The following PAPSS1 variants were observed in gnomAD, a reference collection of about 807,000 sequenced individuals.
The protein encoded by PAPSS1 is 3'-phosphoadenosine 5'-phosphosulfate synthase 1.
In PAPSS1, 50 loss-of-function variants were observed where a neutral mutation model predicts 72.0. The observed-to-expected ratio is 0.69, with a 90% CI of 0.55 to 0.88. The LOEUF (loss-of-function observed/expected upper bound fraction) is 0.88. PAPSS1 is among the 40% of genes least tolerant of loss of function. The pLI is 0.00. For missense variants in PAPSS1, 657 were observed against 782.2 expected, an observed-to-expected ratio of 0.84 and a Z score of 1.91; for synonymous variants, 261 against 263.6, an observed-to-expected ratio of 0.99 and a Z score of 0.09.
chr4:107,645,104 T>C, intron 9 of PAPSS1, 34 bp from the exon 10 acceptor site: 7 of 1,425,416 alleles, frequency 4.9e-6, no homozygotes, highest in South Asian at 3.4e-5. Flanking sequence ...AAGAATAGCA[T>C]GTTTCTAACA....
At position 107,693,668 on chromosome 4, in the gene PAPSS1, A is replaced by AGT. The variant is rs1443305397; in HGVS notation, c.411+101_411+102dup. The AGT allele has an allele frequency of 4.0e-6, 3 of 744,116 alleles. No individual in the cohort carries two copies. The Admixed American group carries it at 6.4e-5, about 16-fold the overall frequency. The allele number at this position is 744,116 out of a possible 1,614,324, so 46.1% of individuals were successfully genotyped here. On this transcript the variant is annotated intron_variant, in intron 3 of 11. Transcript: ENST00000265174. Reference sequence around the variant, plus strand: ...AGAGATGGTAGCTGGGGAGGAGTAGAGTTAGCCTCAAAGCACATATCAATG... The same window carrying AGT: ...AGAGATGGTAGCTGGGGAGGAGTAGAGTGTTAGCCTCAAAGCACATATCAATG...
intron 7 of PAPSS1, among the ~76,000 whole-genome samples, 153 bp downstream of exon 7, chr4:107,656,743 T>G (rs1578402319): frequency 6.6e-6 from 1 of 152,220 alleles, no homozygotes; most frequent in Non-Finnish European, 1.5e-5. Context: ...ATGATTCACT[T>G]AAATAAAGTG....
intron 9 of PAPSS1, 113 bp downstream of exon 9, chr4:107,653,378 A>T: frequency 1.2e-6 from 1 of 800,692 alleles, no homozygotes; most frequent in Non-Finnish European, 1.9e-6. Context: ...TACATATTCC[A>T]CTGCTATATT....
intron 11 of PAPSS1, among the ~76,000 whole-genome samples, chr4:107,616,036 T>C (rs992708644): frequency 6.6e-6 from 1 of 152,074 alleles, no homozygotes; most frequent in Non-Finnish European, 1.5e-5. Flanking sequence ...GTATTTTTTA[T>C]AGCAGCCTGA....
In PAPSS1 at chr4:107,659,970, T is replaced by G; in HGVS notation, c.772A>C (p.Lys258Gln). The change falls in exon 6 of 12, where the codon AAA becomes CAA. Residue 258 changes from lysine (K) to glutamine (Q), a missense_variant. Coordinates refer to ENST00000265174, the MANE Select transcript of PAPSS1 (RefSeq NM_005443.5). ...AACGAAGAACTTACTTTATTAATTT[T>G]CAGTGCTGGTAATGTTTCCGCATCT... The part of the protein sequence containing the change: ...KTDAETLPAL[K>Q]INKVDMQWVQ... 6.3e-7 allele frequency: 1 copy of G among 1,577,924 alleles called. No individual in the cohort carries two copies. The highest frequency in any genetic ancestry group is 8.7e-7 in the Non-Finnish European group (1 of 1,149,040).
At chr4:107,680,466 A>C (rs1270622997) in intron 5 of PAPSS1, among the ~76,000 whole-genome samples, 1 of 152,248 alleles carries the variant, frequency 6.6e-6, no homozygotes, top group Non-Finnish European at 1.5e-5. Flanking sequence ...GCCCAGTAAA[A>C]GTATTTTCTA....
chr4:107,636,497 C>T (rs1208067975), intron 10 of PAPSS1, among the ~76,000 whole-genome samples: 1 of 152,092 alleles, frequency 6.6e-6, no homozygotes, highest in African/African-American at 2.4e-5. Context: ...GAAACGACAG[C>T]AGAAGCGTGC....
At chr4:107,641,679 A>T (rs4956116) in intron 10 of PAPSS1, among the ~76,000 whole-genome samples, 28,185 of 152,136 alleles carry the variant, frequency 0.19, 2,999 homozygotes, top group East Asian at 0.37. Flanking sequence ...AGGTACTTTC[A>T]ATTTCTTTAT....
chr4:107,710,288 C>T (rs1723454541), intron 1 of PAPSS1, among the ~76,000 whole-genome samples: 1 of 152,074 alleles, frequency 6.6e-6, no homozygotes, highest in African/African-American at 2.4e-5. Context: ...GTGCTTCTTA[C>T]TTAATAGTCT....
At chr4:107,683,977 A>ACACAC (rs1553921233) in intron 4 of PAPSS1, among the ~76,000 whole-genome samples, 28,833 of 126,504 alleles carry the variant, frequency 0.23, 2,967 homozygotes, top group East Asian at 0.37. Context: ...CACACACACA[A>ACACAC]ACACACATTA....
At chr4:107,616,090 G>GAT (rs71951844) in intron 11 of PAPSS1, among the ~76,000 whole-genome samples, 1 of 149,876 alleles carries the variant, frequency 6.7e-6, no homozygotes, top group Non-Finnish European at 1.5e-5. Flanking sequence ...TAGAGAGAGA[G>GAT]AGAGAGAGAG....
intron 9 of PAPSS1, among the ~76,000 whole-genome samples, chr4:107,645,532 T>C (rs999302968): frequency 6.6e-6 from 1 of 152,242 alleles, no homozygotes; most frequent in African/African-American, 2.4e-5. Flanking sequence ...GTTTCAAAAA[T>C]TTACTTACTG....
At chr4:107,668,408 T>C (rs923671357) in intron 5 of PAPSS1, among the ~76,000 whole-genome samples, 3 of 152,166 alleles carry the variant, frequency 2.0e-5, no homozygotes, top group African/African-American at 7.2e-5. Context: ...GTTAATACTG[T>C]GTGTCAACTT....
chr4:107,699,351 T>G (rs1369078847), intron 2 of PAPSS1, among the ~76,000 whole-genome samples: 1 of 151,908 alleles, frequency 6.6e-6, no homozygotes, highest in Non-Finnish European at 1.5e-5. Flanking sequence ...TCCACTGTCC[T>G]TCAAGATTTA....
intron 5 of PAPSS1, among the ~76,000 whole-genome samples, chr4:107,666,468 A>G (rs921991547): frequency 6.6e-6 from 1 of 152,218 alleles, no homozygotes; most frequent in Non-Finnish European, 1.5e-5. Context: ...TAAGAAATGC[A>G]GTCTTTATAT....
intron 5 of PAPSS1, among the ~76,000 whole-genome samples, chr4:107,674,813 A>C (rs1029700936): frequency 2.0e-5 from 3 of 151,976 alleles, no homozygotes; most frequent in Non-Finnish European, 4.4e-5. Context: ...TGTAAAAGAA[A>C]AGAAATTATA....
Position 107,670,168 on chromosome 4 carries a change from TA to T in PAPSS1, c.670-10097del, listed in dbSNP as rs371981294. Among the ~76,000 whole-genome samples, 5 of 152,322 alleles carry T rather than the reference TA, an allele frequency of 3.3e-5. No individual in the cohort carries two copies. In the South Asian group the frequency reaches 6.2e-4, roughly 19 times the overall value. Reference sequence around the variant, plus strand: ...AGTTATTTTAAAAGACAACATACTATAAATATGTCCCTTATAATAAGGACTC... The same window carrying T: ...AGTTATTTTAAAAGACAACATACTATAATATGTCCCTTATAATAAGGACTC... On this transcript the variant is annotated intron_variant, in intron 5 of 11. Transcript: ENST00000265174.
intron 1 of PAPSS1, among the ~76,000 whole-genome samples, chr4:107,714,649 T>C (rs1036682779): frequency 2.0e-5 from 3 of 152,150 alleles, no homozygotes; most frequent in African/African-American, 7.2e-5. Flanking sequence ...TTTTAGAAAT[T>C]TAGGTTTTTT....
At chr4:107,679,912 CAG>C (rs1226991247) in intron 5 of PAPSS1, among the ~76,000 whole-genome samples, 2 of 151,932 alleles carry the variant, frequency 1.3e-5, no homozygotes, top group Admixed American at 1.3e-4. Context: ...CAAATAATGA[CAG>C]AATTGTTTTT....
Sources: allele counts gnomAD v4.1 joint callset (sites outside exome capture counted in the v4.1 genomes callset), GRCh38; gene constraint gnomAD v4.1.1; transcripts MANE v1.5; gene names NCBI Gene and HGNC (gene_info 2026-07-23, HGNC 2026-07-21).